Variants in GNB5 observed in about 807,000 individuals in gnomAD.
GNB5 encodes the protein guanine nucleotide-binding protein subunit beta-5.
A neutral mutation model predicts 55.3 loss-of-function variants in GNB5; 37 were observed. The ratio of observed to expected loss-of-function variants is 0.67; its 90% confidence interval spans 0.51 to 0.88. The LOEUF (loss-of-function observed/expected upper bound fraction) is 0.88. GNB5 is among the 40% of genes least tolerant of loss of function. GNB5 has a pLI of 0.00. For missense variants in GNB5, 476 were observed against 515.3 expected, an observed-to-expected ratio of 0.92 and a Z score of 0.74; for synonymous variants, 219 against 198.5, an observed-to-expected ratio of 1.10 and a Z score of -0.87.
chr15:52,185,753 T>TTTATTATTATTA (rs9302164), intron 1 of GNB5, among the ~76,000 whole-genome samples: 302 of 136,706 alleles, frequency 2.2e-3, no homozygotes, highest in East Asian at 6.5e-3. Flanking sequence ...TATTCATCTT[T>TTTATTATTATTA]TTATTATTAT....
chr15:52,130,008 T>C (rs1293298194), intron 9 of GNB5, among the ~76,000 whole-genome samples: 1 of 152,204 alleles, frequency 6.6e-6, no homozygotes, highest in African/African-American at 2.4e-5. Flanking sequence ...TTCTGGCTAA[T>C]GGGATGCAGG....
rs1187321521 is a variant in GNB5, at chr15:52,119,480, GGGAGAGAGGGA to G, written c.*3266_*3276del. On this transcript the variant is annotated 3_prime_UTR_variant, in exon 13 of 13. Transcript: ENST00000261837. ...AGATGGGAGGGAGGGAGGGGGAAAT[GGGAGAGAGGGA>G]GGAGAGAGGGAGGAGGAGGGGAAGG... is the stretch of plus-strand genomic sequence containing the variant. 1.8e-5 allele frequency: 2 copies of G among 111,296 alleles called. No individual in the cohort carries two copies. Among genetic ancestry groups the G allele is most frequent in the East Asian group, 2.7e-4 (1 of 3,718 alleles). 6.9% of individuals were successfully genotyped at this position (111,296 alleles called of 1,614,324 possible).
intron 12 of GNB5, among the ~76,000 whole-genome samples, chr15:52,123,401 A>G (rs2033326262): frequency 6.6e-6 from 1 of 151,868 alleles, no homozygotes; most frequent in South Asian, 2.1e-4. Flanking sequence ...GCCCCCCAAC[A>G]AAGACCTGCC....
At chr15:52,182,224 G>A (rs2034782284) in intron 2 of GNB5, among the ~76,000 whole-genome samples, 1 of 152,228 alleles carries the variant, frequency 6.6e-6, no homozygotes, top group South Asian at 2.1e-4. Context: ...ATACGCTTGA[G>A]CAGTTCACAT....
At chr15:52,152,226 A>T (rs867780827) in intron 4 of GNB5, among the ~76,000 whole-genome samples, 1 of 151,816 alleles carries the variant, frequency 6.6e-6, no homozygotes, top group Non-Finnish European at 1.5e-5. Context: ...CAAGGGTTAT[A>T]AAAAAAAGCA....
intron 5 of GNB5, 166 bp downstream of exon 5, chr15:52,149,718 C>T (rs1596077421): frequency 1.4e-6 from 1 of 700,846 alleles, no homozygotes; most frequent in Non-Finnish European, 2.6e-6. Context: ...GCTGGCTGAG[C>T]TGTTCAAACA....
chr15:52,152,028 T>C (rs1048031890), intron 4 of GNB5, among the ~76,000 whole-genome samples: 2 of 151,934 alleles, frequency 1.3e-5, no homozygotes, highest in Admixed American at 6.6e-5. Context: ...AGGTTTTTAT[T>C]TGTTTGTTTC....
chr15:52,139,743 G>A (rs374861137), intron 7 of GNB5: 8 of 1,139,314 alleles, frequency 7.0e-6, no homozygotes, highest in African/African-American at 3.2e-5. Context: ...CGTCCCCGCC[G>A]AGGTAGCCAG....
At chr15:52,156,012 G>C (rs1205004718) in intron 3 of GNB5, among the ~76,000 whole-genome samples, 3 of 152,100 alleles carry the variant, frequency 2.0e-5, no homozygotes, top group African/African-American at 7.2e-5. Flanking sequence ...ATGATGGCTG[G>C]CAAGTGGTGA....
At chr15:52,136,064 AACACACACACAC>A (rs147163026) in intron 7 of GNB5, among the ~76,000 whole-genome samples, 8 of 98,014 alleles carry the variant, frequency 8.2e-5, no homozygotes, top group Non-Finnish European at 1.1e-4. Flanking sequence ...GGAAAAGCAG[AACACACACACAC>A]ACACACACAC....
At chr15:52,138,680 C>G (rs187818658) in intron 7 of GNB5, 1 of 152,206 alleles carries the variant, frequency 6.6e-6, no homozygotes, top group African/African-American at 2.4e-5. Flanking sequence ...GCTGTTCCAA[C>G]TCACTGCTTT....
At chr15:52,147,338 T>C in intron 6 of GNB5, 121 bp downstream of exon 6, 2 of 728,240 alleles carry the variant, frequency 2.7e-6, no homozygotes, top group Non-Finnish European at 5.1e-6. Context: ...GGGAAGGATT[T>C]AGCATACTGC....
chr15:52,148,285 C>G (rs2034018819), intron 5 of GNB5, among the ~76,000 whole-genome samples: 2 of 151,994 alleles, frequency 1.3e-5, no homozygotes, highest in South Asian at 4.1e-4. Flanking sequence ...GAGCCTGTGT[C>G]CACTATGAGC....
chr15:52,178,074 C>T (rs1394310275), intron 3 of GNB5, among the ~76,000 whole-genome samples: 3 of 152,198 alleles, frequency 2.0e-5, no homozygotes, highest in East Asian at 3.8e-4. Context: ...AATATCCAGG[C>T]ATGCAGCCTG....
At chr15:52,164,414 C>G (rs1488911993) in intron 3 of GNB5, among the ~76,000 whole-genome samples, 1 of 150,770 alleles carries the variant, frequency 6.6e-6, no homozygotes, top group African/African-American at 2.4e-5. Context: ...GTCAGGAGAT[C>G]GAGACATTCT....
rs2034694979 is a variant in GNB5, at chr15:52,178,464, T to A, written c.238+1304A>T. On this transcript the variant is annotated intron_variant, in intron 3 of 12. Transcript: ENST00000261837. ...ATGTTTGGAGCTGTGGCAATCATATTATAATCATGGGGCAAATGCCACTGC... is the reference window on the plus strand; with the variant it reads ...ATGTTTGGAGCTGTGGCAATCATATAATAATCATGGGGCAAATGCCACTGC... 3.9e-5 allele frequency among the ~76,000 whole-genome samples: 6 copies of A among 152,160 alleles called. No homozygotes were observed. The South Asian group carries it at 1.2e-3, about 32-fold the overall frequency.
intron 5 of GNB5, among the ~76,000 whole-genome samples, chr15:52,147,958 G>T (rs1220740421): frequency 6.6e-6 from 1 of 151,942 alleles, no homozygotes; most frequent in Non-Finnish European, 1.5e-5. Flanking sequence ...GTTTCAAAAG[G>T]AAGTGGTACG....
At chr15:52,150,882 G>A (rs1239946183) in intron 4 of GNB5, among the ~76,000 whole-genome samples, 2 of 152,214 alleles carry the variant, frequency 1.3e-5, no homozygotes, top group Non-Finnish European at 2.9e-5. Flanking sequence ...CTCTATGGCA[G>A]GCTCAATTTT....
chr15:52,182,691 C>G (rs1230005915), intron 2 of GNB5, among the ~76,000 whole-genome samples: 1 of 152,166 alleles, frequency 6.6e-6, no homozygotes, highest in Admixed American at 6.5e-5. Context: ...TAATCCCAAA[C>G]AGTTGGATGA....
Sources: gnomAD v4.1 joint callset for allele counts (sites outside exome capture counted in the v4.1 genomes callset) on GRCh38, gnomAD v4.1.1 for gene constraint, MANE v1.5 for transcripts, NCBI Gene and HGNC (gene_info 2026-07-23, HGNC 2026-07-21) for gene names.